YY1: variants seen among roughly 807,000 people sequenced by gnomAD.
YY1 encodes the protein YY1 transcription factor.
A neutral mutation model predicts 35.6 loss-of-function variants in YY1; 2 were observed. The ratio of observed to expected loss-of-function variants is 0.06; its 90% CI spans 0.02 to 0.18. The LOEUF is 0.18. YY1 is among the 10% of genes least tolerant of loss of function. The pLI is 1.00. For synonymous variants in YY1, 268 were observed against 238.9 expected (o/e 1.12, Z -1.12); for missense variants, 322 against 573.4 (o/e 0.56, Z 4.48).
intron 2 of YY1, among the ~76,000 whole-genome samples, chr14:100,263,514 T>G (rs1891112757): frequency 6.6e-6 from 1 of 152,200 alleles, no homozygotes; most frequent in African/African-American, 2.4e-5. Flanking sequence ...TAGTACTGTT[T>G]GGCAGTTTGT....
intron 2 of YY1, among the ~76,000 whole-genome samples, chr14:100,267,020 GA>G (rs1891165502): frequency 6.6e-6 from 1 of 152,190 alleles, no homozygotes; most frequent in Non-Finnish European, 1.5e-5. Flanking sequence ...ATTTAGAATA[GA>G]AAGTTGGCTG....
intron 1 of YY1, among the ~76,000 whole-genome samples, chr14:100,253,994 A>G (rs1398729077): frequency 6.6e-6 from 1 of 151,346 alleles, no homozygotes; most frequent in Admixed American, 6.6e-5. Context: ...CACACCTATA[A>G]TCTTTTTTTT....
At chr14:100,247,228 G>C (rs917651575) in intron 1 of YY1, among the ~76,000 whole-genome samples, 7 of 152,124 alleles carry the variant, frequency 4.6e-5, no homozygotes, top group Admixed American at 2.0e-4. Flanking sequence ...GGGAAACTTA[G>C]GTTATATTAG....
At chr14:100,274,863 C>A in intron 3 of YY1, 105 bp downstream of exon 3, 1 of 1,147,060 alleles carries the variant, frequency 8.7e-7, no homozygotes, top group Admixed American at 1.9e-5. Flanking sequence ...TTAAATGAAG[C>A]AAGGAATTAG....
chr14:100,281,061 C>CAA lies in YY1; in HGVS notation c.*3486_*3487dup, dbSNP rs36009825. On this transcript the variant is annotated 3_prime_UTR_variant, in exon 5 of 5. Transcript: ENST00000262238. ...GGTGACAGAGCAAGACTCCGTCTCC[C>CAA]AAAAAAAAAAAAAAAAAAAAAAAAA... 9.9e-6 allele frequency: 1 copy of CAA among 100,882 alleles called. No individual in the cohort carries two copies. 6.2% of individuals were successfully genotyped at this position (100,882 alleles called of 1,614,324 possible).
chr14:100,268,288 A>G (rs1218826422), intron 2 of YY1, among the ~76,000 whole-genome samples: 1 of 152,248 alleles, frequency 6.6e-6, no homozygotes, highest in African/African-American at 2.4e-5. Context: ...AATCAGTTAC[A>G]TACGCACATG....
chr14:100,242,119 C>T (rs1359223259), intron 1 of YY1, among the ~76,000 whole-genome samples: 4 of 151,854 alleles, frequency 2.6e-5, no homozygotes, highest in Non-Finnish European at 5.9e-5. Flanking sequence ...AGTAAATTTA[C>T]TTTTTCTCAT....
intron 1 of YY1, among the ~76,000 whole-genome samples, chr14:100,252,729 T>G (rs1281683987): frequency 6.6e-6 from 1 of 152,220 alleles, no homozygotes; most frequent in Non-Finnish European, 1.5e-5. Flanking sequence ...TAAACTTAAG[T>G]TATATTGGTT....
rs1191053586 is a variant in YY1, at chr14:100,281,113, C to T, written c.*3513C>T. 1.3e-5 allele frequency: 2 copies of T among 150,426 alleles called. No individual in the cohort carries two copies. The highest frequency in any genetic ancestry group is 4.9e-5 in the African/African-American group (2 of 40,604). 9.3% of individuals were successfully genotyped at this position (150,426 alleles called of 1,614,324 possible). A position where few individuals can be genotyped will look rare whatever the true frequency, so the allele number is the denominator to read the frequency against. On this transcript the variant is annotated 3_prime_UTR_variant, in exon 5 of 5. Coordinates refer to ENST00000262238, the MANE Select transcript of YY1 (RefSeq NM_003403.5). ...GGAAACCTGACAATTCTACCCACCTCCCCCCACCCCCGACTATAGGCAAAG... is the reference window on the plus strand; with the variant it reads ...GGAAACCTGACAATTCTACCCACCTTCCCCCACCCCCGACTATAGGCAAAG...
intron 2 of YY1, among the ~76,000 whole-genome samples, chr14:100,270,914 A>G (rs1001891934): frequency 1.3e-5 from 2 of 152,142 alleles, no homozygotes; most frequent in African/African-American, 2.4e-5. Flanking sequence ...TTTTCAAAGA[A>G]TAAGTGTTCA....
At position 100,280,436 on chromosome 14, in the gene YY1, C is replaced by T. The variant is rs1891400074; in HGVS notation, c.*2836C>T. 2.0e-5 allele frequency: 3 copies of T among 151,850 alleles called. No individual in the cohort carries two copies. The highest frequency in any genetic ancestry group is 2.0e-4 in the Admixed American group (3 of 15,242). The allele number at this position is 151,850 out of a possible 1,614,324, so 9.4% of individuals were successfully genotyped here. A position where few individuals can be genotyped will look rare whatever the true frequency, so the allele number is the denominator to read the frequency against. ...CTATTTTTGAATTTCTTATTATTTC[C>T]CCCTTTTTGGTAGTGGAGTTGAGAG... is the stretch of plus-strand genomic sequence containing the variant. On this transcript the variant is annotated 3_prime_UTR_variant, in exon 5 of 5. Transcript: ENST00000262238.
Position 100,239,183 on chromosome 14 carries a change from G to C in YY1, c.-62G>C. 1 of 1,256,274 alleles carries C rather than the reference G, an allele frequency of 8.0e-7. No individual in the cohort carries two copies. The allele number at this position is 1,256,274 out of a possible 1,614,324, so 77.8% of individuals were successfully genotyped here. ...CTTCCCCACGGCCGGCCGCCTCCTC[G>C]CCCGCCCGCCCGCAGCCGAGGAGCC... On this transcript the variant is annotated 5_prime_UTR_variant, in exon 1 of 5. Coordinates refer to ENST00000262238, the MANE Select transcript of YY1 (RefSeq NM_003403.5).
chr14:100,254,890 A>C (rs1431570350), intron 1 of YY1, among the ~76,000 whole-genome samples: 1 of 138,714 alleles, frequency 7.2e-6, no homozygotes, highest in Admixed American at 7.5e-5. Flanking sequence ...CTCCTGCCTC[A>C]GCCTCCCAAG....
intron 1 of YY1, among the ~76,000 whole-genome samples, chr14:100,241,113 C>T (rs933816681): frequency 2.0e-5 from 3 of 152,100 alleles, no homozygotes; most frequent in African/African-American, 7.2e-5. Flanking sequence ...TTTTTTAGGT[C>T]AGTATCCTAT....
Position 100,279,663 on chromosome 14 carries a change from C to T in YY1, c.*2063C>T, listed in dbSNP as rs776311735. On this transcript the variant is annotated 3_prime_UTR_variant, in exon 5 of 5. Coordinates refer to ENST00000262238, the MANE Select transcript of YY1 (RefSeq NM_003403.5). ...TGTAGTTCTTTGACTTGGACCTGGG[C>T]AGCGTCTTCTATGGATGCCTGCCTT... 3.3e-5 allele frequency: 5 copies of T among 152,312 alleles called. No homozygotes were observed. The highest frequency in any genetic ancestry group is 6.5e-5 in the Admixed American group (1 of 15,290). The allele number at this position is 152,312 out of a possible 1,614,324, so 9.4% of individuals were successfully genotyped here.
In YY1 at chr14:100,239,237, C is replaced by T. The variant is rs915795251; in HGVS notation, c.-8C>T. 12 of 1,532,866 alleles carry T rather than the reference C, an allele frequency of 7.8e-6. No individual in the cohort carries two copies. The highest frequency in any genetic ancestry group is 5.6e-5 in the African/African-American group (4 of 70,864). The allele number at this position is 1,532,866 out of a possible 1,614,324, so 95.0% of individuals were successfully genotyped here. A position where few individuals can be genotyped will look rare whatever the true frequency, so the allele number is the denominator to read the frequency against. On this transcript the variant is annotated 5_prime_UTR_variant, in exon 1 of 5. Transcript: ENST00000262238. ...GCCGCCGCGGCCGTGGCGGCGGAGC[C>T]CTCAGCCATGGCCTCGGGCGACACC...
chr14:100,240,205 G>A (rs1890709286), intron 1 of YY1, among the ~76,000 whole-genome samples: 1 of 145,332 alleles, frequency 6.9e-6, no homozygotes, highest in Non-Finnish European at 1.5e-5. Context: ...GAGACGGCCG[G>A]GGGAGGGGCC....
In YY1 at chr14:100,274,567, G is replaced by C. The variant is rs4905942; in HGVS notation, c.843-131G>C. 480,138 of 750,172 alleles carry C rather than the reference G, an allele frequency of 0.64. 155,989 individuals carry two copies. Among genetic ancestry groups the C allele is most frequent in the South Asian group, 0.8 (50,417 of 62,662 alleles). 46.5% of individuals were successfully genotyped at this position (750,172 alleles called of 1,614,324 possible). ...GAATGCAAGTTGTCTCATCCTTTCTGCTTCATGGAAATGTATCATAATTTT... is the reference window on the plus strand; with the variant it reads ...GAATGCAAGTTGTCTCATCCTTTCTCCTTCATGGAAATGTATCATAATTTT... On this transcript the variant is annotated intron_variant, in intron 2 of 4. Coordinates refer to ENST00000262238, the MANE Select transcript of YY1 (RefSeq NM_003403.5).
intron 1 of YY1, among the ~76,000 whole-genome samples, chr14:100,243,480 G>A (rs936115902): frequency 6.6e-5 from 10 of 152,124 alleles, no homozygotes; most frequent in East Asian, 1.9e-4. Context: ...TTACTTCTTA[G>A]ACCCTCTTGG....
Sources: gnomAD v4.1 joint callset for allele counts (sites outside exome capture counted in the v4.1 genomes callset) on GRCh38, gnomAD v4.1.1 for gene constraint, MANE v1.5 for transcripts, NCBI Gene and HGNC (gene_info 2026-07-23, HGNC 2026-07-21) for gene names.